PPM1H: variants seen among roughly 807,000 people sequenced by gnomAD.
PPM1H encodes the protein protein phosphatase, Mg2+/Mn2+ dependent 1H, also known as protein phosphatase 1H.
Under a neutral mutation model 54.9 loss-of-function variants are expected in PPM1H, and 27 were observed. The ratio of observed to expected loss-of-function variants is 0.49; its 90% CI spans 0.36 to 0.68. PPM1H has a LOEUF of 0.68. Among genes scored for constraint, PPM1H ranks in the 30% least tolerant of loss-of-function variants. PPM1H has a pLI of 0.00. For missense variants in PPM1H, 596 were observed against 667.8 expected, an observed-to-expected ratio of 0.89 and a Z score of 1.19; for synonymous variants, 305 against 270.8, an observed-to-expected ratio of 1.13 and a Z score of -1.24.
chr12:62,904,851 T>G (rs2121124499), intron 1 of PPM1H, among the ~76,000 whole-genome samples: 1 of 152,320 alleles, frequency 6.6e-6, no homozygotes, highest in South Asian at 2.1e-4. Flanking sequence ...TATTAATTTC[T>G]TAGAAAAAAT....
At chr12:62,695,936 C>A (rs1431715819) in intron 6 of PPM1H, among the ~76,000 whole-genome samples, 1 of 151,956 alleles carries the variant, frequency 6.6e-6, no homozygotes, top group Non-Finnish European at 1.5e-5. Flanking sequence ...GCAGTGGAGA[C>A]CAGATGTAGA....
intron 8 of PPM1H, among the ~76,000 whole-genome samples, chr12:62,686,457 G>C (rs976602546): frequency 1.3e-5 from 2 of 152,210 alleles, no homozygotes; most frequent in Non-Finnish European, 2.9e-5. Flanking sequence ...TCTCTTGTAA[G>C]GGGGAGAATA....
At chr12:62,661,828 A>G (rs1452070816) in intron 9 of PPM1H, among the ~76,000 whole-genome samples, 2 of 152,224 alleles carry the variant, frequency 1.3e-5, no homozygotes, top group Admixed American at 1.3e-4. Flanking sequence ...CTCAGATTAT[A>G]GGCACATGCC....
intron 4 of PPM1H, among the ~76,000 whole-genome samples, chr12:62,749,843 A>G (rs2076431844): frequency 6.6e-6 from 1 of 152,250 alleles, no homozygotes; most frequent in South Asian, 2.1e-4. Context: ...GCCATAGCTG[A>G]GTCCCATGTT....
intron 4 of PPM1H, among the ~76,000 whole-genome samples, chr12:62,766,116 G>A (rs1286871706): frequency 6.6e-6 from 1 of 152,158 alleles, no homozygotes; most frequent in Non-Finnish European, 1.5e-5. Context: ...TATGCAGCTG[G>A]TGATTAACAG....
At chr12:62,793,526 A>G (rs1217812449) in intron 3 of PPM1H, among the ~76,000 whole-genome samples, 1 of 151,988 alleles carries the variant, frequency 6.6e-6, no homozygotes, top group Non-Finnish European at 1.5e-5. Context: ...GGCAGTGGAG[A>G]CCAGCTTGAC....
intron 1 of PPM1H, among the ~76,000 whole-genome samples, chr12:62,898,553 A>G (rs1871065371): frequency 6.6e-6 from 1 of 152,234 alleles, no homozygotes; most frequent in African/African-American, 2.4e-5. Context: ...TACACAAATC[A>G]CAACACACTT....
chr12:62,807,721 G>A (rs558249471), intron 2 of PPM1H, among the ~76,000 whole-genome samples: 10 of 152,262 alleles, frequency 6.6e-5, no homozygotes, highest in East Asian at 1.9e-4. Flanking sequence ...CATACTATTC[G>A]GGGAAATACA....
chr12:62,773,329 G>C (rs2076590224), intron 4 of PPM1H, among the ~76,000 whole-genome samples: 1 of 152,000 alleles, frequency 6.6e-6, no homozygotes, highest in Admixed American at 6.6e-5. Context: ...AAATAAATTA[G>C]CCAGGTGTGG....
intron 4 of PPM1H, among the ~76,000 whole-genome samples, chr12:62,744,237 G>A (rs557805782): frequency 4.0e-4 from 61 of 151,452 alleles, no homozygotes; most frequent in African/African-American, 9.4e-4. Flanking sequence ...TTGGGAGGCC[G>A]AGGTGAGTGG....
chr12:62,882,004 G>T (rs946547523), intron 1 of PPM1H, among the ~76,000 whole-genome samples: 2 of 152,100 alleles, frequency 1.3e-5, no homozygotes, highest in Non-Finnish European at 2.9e-5. Flanking sequence ...TCAGGGTTTT[G>T]TCCTAAAAAA....
rs1264983168 is a variant in PPM1H at position 62,647,423 on chromosome 12, A to C, written c.*1066T>G. On this transcript the variant is annotated 3_prime_UTR_variant, in exon 10 of 10. Transcript: ENST00000228705. ...TTGGAGTGGGCTTGGGGACAGTCAC[A>C]AGCCATGAAACATGAATCCAAAATG... is the stretch of plus-strand genomic sequence containing the variant. 6.6e-6 allele frequency: 1 copy of C among 152,242 alleles called. No homozygotes were observed. The highest frequency in any genetic ancestry group is 1.9e-4 in the East Asian group (1 of 5,190). 9.4% of individuals were successfully genotyped at this position (152,242 alleles called of 1,614,324 possible). A position where few individuals can be genotyped will look rare whatever the true frequency, so the allele number is the denominator to read the frequency against.
At chr12:62,690,805 C>G (rs753835673) in intron 7 of PPM1H, among the ~76,000 whole-genome samples, 10 of 152,116 alleles carry the variant, frequency 6.6e-5, no homozygotes, top group Non-Finnish European at 8.8e-5. Context: ...AACCCCATCT[C>G]TACGAAAAAT....
At chr12:62,909,929 T>C (rs1028883083) in intron 1 of PPM1H, among the ~76,000 whole-genome samples, 3 of 152,232 alleles carry the variant, frequency 2.0e-5, no homozygotes, top group African/African-American at 7.2e-5. Context: ...AATGACATAA[T>C]TATAATACCA....
At chr12:62,840,954 C>G (rs986359329) in intron 1 of PPM1H, among the ~76,000 whole-genome samples, 1 of 151,222 alleles carries the variant, frequency 6.6e-6, no homozygotes, top group African/African-American at 2.4e-5. Context: ...GGTTGTGAAC[C>G]GAACAATGGC....
intron 1 of PPM1H, among the ~76,000 whole-genome samples, chr12:62,885,520 A>G (rs920939721): frequency 2.1e-4 from 32 of 152,092 alleles, no homozygotes; most frequent in African/African-American, 7.5e-4. Context: ...TCTACCATAT[A>G]ATGTACCACA....
At chr12:62,887,220 G>A (rs1356013840) in intron 1 of PPM1H, among the ~76,000 whole-genome samples, 1 of 152,234 alleles carries the variant, frequency 6.6e-6, no homozygotes, top group Non-Finnish European at 1.5e-5. Context: ...TACAGGGTAA[G>A]AGAAGTGGTC....
intron 2 of PPM1H, among the ~76,000 whole-genome samples, chr12:62,828,441 AT>A (rs1868313751): frequency 6.6e-6 from 1 of 152,146 alleles, no homozygotes; most frequent in South Asian, 2.1e-4. Context: ...CTTCCTTCAA[AT>A]AGCTGCAATT....
chr12:62,790,699 C>A (rs547766318), intron 3 of PPM1H, among the ~76,000 whole-genome samples: 1 of 151,834 alleles, frequency 6.6e-6, no homozygotes, highest in Non-Finnish European at 1.5e-5. Context: ...TGGAGAGCCA[C>A]GGGGAGGAGG....
Sources: allele counts gnomAD v4.1 joint callset (sites outside exome capture counted in the v4.1 genomes callset), GRCh38; gene constraint gnomAD v4.1.1; transcripts MANE v1.5; gene names NCBI Gene and HGNC (gene_info 2026-07-23, HGNC 2026-07-21).